Variants in MAP7D3 observed in about 807,000 individuals in gnomAD.
The protein encoded by MAP7D3 is MAP7 domain containing 3, also known as MAP7 domain-containing protein 3.
In MAP7D3, 45 loss-of-function variants were observed where a neutral mutation model predicts 62.2. That is an observed-to-expected ratio of 0.72 (90% CI 0.57 to 0.93). MAP7D3 has a LOEUF of 0.93. MAP7D3 is among the 40% of genes least tolerant of loss of function. MAP7D3 has a pLI of 0.00. For missense variants in MAP7D3, 711 were observed against 683.1 expected, an observed-to-expected ratio of 1.04 and a Z score of -0.45; for synonymous variants, 288 against 248.8, an observed-to-expected ratio of 1.16 and a Z score of -1.48.
At position 136,222,477 on chromosome X, in the gene MAP7D3, T is replaced by C. The variant is rs768055078; in HGVS notation, c.2203A>G (p.Thr735Ala). ...TCTTCATATATGTCATGGCTGGATG[T>C]TTCTGTGACCTACGATTAAAAAAGG... The part of the protein sequence containing the change: ...TDVNASKVTE[T>A]SSHDIYEEAE... Residue 735 changes from threonine (T) to alanine (A), a missense_variant, in exon 15 of 19, where the codon ACA (threonine) becomes GCA (alanine). By Grantham distance (58) the Thr-to-Ala change is moderately conservative. Coordinates refer to ENST00000316077, the MANE Select transcript of MAP7D3 (RefSeq NM_024597.4). 1 of 1,197,954 alleles carries C rather than the reference T, an allele frequency of 8.3e-7. No individual in the cohort carries two copies. Among genetic ancestry groups the C allele is most frequent in the East Asian group, 3.0e-5 (1 of 33,818 alleles).
chrX:136,237,290 G>T (rs1253153933), intron 6 of MAP7D3, among the ~76,000 whole-genome samples: 1 of 112,220 alleles, frequency 8.9e-6, no homozygotes, highest in Admixed American at 9.4e-5. Flanking sequence ...GATTAAGTCG[G>T]TATCCTTCAT....
chrX:136,241,843 A>G (rs1452108483), intron 4 of MAP7D3, among the ~76,000 whole-genome samples: 6 of 111,454 alleles, frequency 5.4e-5, no homozygotes, highest in Non-Finnish European at 9.4e-5. Context: ...GATAATCAAT[A>G]TATTTGTCTT....
At chrX:136,256,323 T>C, upstream of MAP7D3, 1 of 1,155,580 alleles carries the variant, frequency 8.7e-7, no homozygotes, top group Non-Finnish European at 1.1e-6. Context: ...TGGTCATGTC[T>C]CACTTGGTTG....
upstream of MAP7D3, among the ~76,000 whole-genome samples, chrX:136,253,758 C>T (rs969367765): frequency 3.6e-5 from 4 of 111,295 alleles, no homozygotes; most frequent in East Asian, 2.8e-4. Context: ...AGGCTGAGGC[C>T]GGCACATTGC....
chrX:136,239,901 A>T (rs1352212000), intron 6 of MAP7D3, among the ~76,000 whole-genome samples: 1 of 112,102 alleles, frequency 8.9e-6, no homozygotes, highest in African/African-American at 3.2e-5. Flanking sequence ...AAACATCATG[A>T]AACAAGTATA....
intron 1 of MAP7D3, among the ~76,000 whole-genome samples, chrX:136,247,886 C>T (rs1314970841): frequency 8.9e-6 from 1 of 111,793 alleles, no homozygotes. Context: ...AAGGATAGTC[C>T]GTATTTGACA....
At chrX:136,228,815 A>T (rs1325111616) in intron 10 of MAP7D3, 57 bp from the exon 11 acceptor site, 1 of 970,325 alleles carries the variant, frequency 1.0e-6, no homozygotes, top group Non-Finnish European at 1.4e-6. Flanking sequence ...TCACTCCAAC[A>T]AAGAAGTGCA....
intron 6 of MAP7D3, among the ~76,000 whole-genome samples, chrX:136,239,221 G>C (rs2074362069): frequency 9.0e-6 from 1 of 111,702 alleles, no homozygotes; most frequent in South Asian, 3.8e-4. Context: ...AGCCAGACAT[G>C]GTTATTGACA....
chrX:136,239,383 A>G lies in MAP7D3; in HGVS notation c.640+999T>C, dbSNP rs1410480253. Among the ~76,000 whole-genome samples the G allele has an allele frequency of 3.6e-5, 4 of 112,606 alleles. No individual in the cohort carries two copies. The East Asian group carries it at 8.3e-4, about 23-fold the overall frequency. On this transcript the variant is annotated intron_variant, in intron 6 of 18. Transcript: ENST00000316077. ...CCATTAGGAAGAGTTGTAAAGTGGA[A>G]CTTGGCAATACGTCTATCATTAAAC...
In MAP7D3 at chrX:136,225,890, CCAAA is replaced by C. The variant is rs752205708; in HGVS notation, c.2139+15_2139+18del. 95 of 1,055,583 alleles carry C rather than the reference CCAAA, an allele frequency of 9.0e-5. No homozygotes were observed. Among genetic ancestry groups the C allele is most frequent in the Middle Eastern group, 2.5e-4 (1 of 3,995 alleles). 87.0% of individuals were successfully genotyped at this position (1,055,583 alleles called of 1,213,427 possible). On this transcript the variant is annotated intron_variant, in intron 13 of 18. Transcript: ENST00000316077. ...GTTTTAAACACAGAATCAAGTCCCC[CCAAA>C]CAGAGAGCGAGTACCTTTTTCCTTT...
chrX:136,240,594 C>T, intron 5 of MAP7D3, 108 bp from the exon 6 acceptor site: 1 of 503,358 alleles, frequency 2.0e-6, no homozygotes, highest in Non-Finnish European at 3.4e-6. Flanking sequence ...CACAGACTTA[C>T]ATTACTCAAG....
At chrX:136,225,846 A>G (rs2074187589) in intron 13 of MAP7D3, 63 bp downstream of exon 13, 2 of 716,413 alleles carry the variant, frequency 2.8e-6, no homozygotes, top group Non-Finnish European at 4.3e-6. Context: ...AAACATGCTG[A>G]TATCAGGTGC....
chrX:136,219,421 C>A lies in MAP7D3; in HGVS notation c.*9G>T. The A allele has an allele frequency of 8.5e-7, 1 of 1,181,225 alleles. No homozygotes were observed. Among genetic ancestry groups the A allele is most frequent in the South Asian group, 1.8e-5 (1 of 54,513 alleles). On this transcript the variant is annotated 3_prime_UTR_variant, in exon 18 of 19. Transcript: ENST00000316077. ...ACCCAAATGAGGAGAAACAGGTTTG[C>A]TTCTTCTCTTATTGTCTAAAGGTGT... is the stretch of plus-strand genomic sequence containing the variant.
chrX:136,254,605 G>A (rs902108450), upstream of MAP7D3, among the ~76,000 whole-genome samples: 2 of 111,228 alleles, frequency 1.8e-5, no homozygotes, highest in African/African-American at 6.5e-5. Flanking sequence ...GGATTTAGGC[G>A]AGTAACTGAA....
chrX:136,238,817 T>C (rs2074357978), intron 6 of MAP7D3, among the ~76,000 whole-genome samples: 1 of 112,052 alleles, frequency 8.9e-6, no homozygotes. Flanking sequence ...TATTAAAAAC[T>C]ATATTGTTTT....
At chrX:136,237,258 C>T (rs1017203741) in intron 6 of MAP7D3, among the ~76,000 whole-genome samples, 4 of 112,048 alleles carry the variant, frequency 3.6e-5, no homozygotes, top group African/African-American at 1.3e-4. Flanking sequence ...CAGCATGAAC[C>T]ACAGAGGTGG....
intron 16 of MAP7D3, among the ~76,000 whole-genome samples, chrX:136,220,015 C>T (rs948662767): frequency 5.4e-5 from 6 of 112,103 alleles, no homozygotes; most frequent in African/African-American, 1.9e-4. Context: ...ATGCTCCTTC[C>T]ACATCATCAC....
At chrX:136,236,125 A>T in intron 7 of MAP7D3, 119 bp downstream of exon 7, 2 of 435,681 alleles carry the variant, frequency 4.6e-6, no homozygotes, top group Non-Finnish European at 7.8e-6. Flanking sequence ...ACATTTTTTC[A>T]GTCTAAGAAG....
intron 14 of MAP7D3, 149 bp downstream of exon 14, chrX:136,224,677 AT>A: frequency 2.5e-6 from 1 of 407,382 alleles, no homozygotes; most frequent in Admixed American, 5.0e-5. Context: ...AACTAAAGAT[AT>A]GAAAACATGG....
Sources: allele counts gnomAD v4.1 joint callset (sites outside exome capture counted in the v4.1 genomes callset), GRCh38; gene constraint gnomAD v4.1.1; transcripts MANE v1.5; gene names NCBI Gene and HGNC (gene_info 2026-07-23, HGNC 2026-07-21).